The following CTNND2 variants were observed in gnomAD, a reference collection of about 807,000 sequenced individuals.
The protein encoded by CTNND2 is catenin delta 2.
A neutral mutation model predicts 144.4 loss-of-function variants in CTNND2; 22 were observed. That is an observed-to-expected ratio of 0.15 (90% confidence interval 0.11 to 0.22). The LOEUF (loss-of-function observed/expected upper bound fraction) is 0.22, where lower values mean the gene tolerates loss of function less well. Among genes scored for constraint, CTNND2 ranks in the 10% least tolerant of loss-of-function variants. The pLI is 1.00. For synonymous variants in CTNND2, 751 were observed against 695.6 expected (o/e 1.08, Z -1.25); for missense variants, 1,353 against 1,618.8 (o/e 0.84, Z 2.82).
chr5:11,243,295 T>C (rs1227931634), intron 9 of CTNND2, among the ~76,000 whole-genome samples: 1 of 152,230 alleles, frequency 6.6e-6, no homozygotes, highest in African/African-American at 2.4e-5. Context: ...CTCTGCAGCC[T>C]TGGGCTTGGG....
chr5:11,568,434 C>T (rs934093585), intron 2 of CTNND2, among the ~76,000 whole-genome samples: 2 of 151,662 alleles, frequency 1.3e-5, no homozygotes, highest in Non-Finnish European at 2.9e-5. Context: ...ACTGTTTGGG[C>T]CTTGCCACAC....
In CTNND2 at chr5:11,425,615, CCTA is replaced by C. The variant is rs1762714664; in HGVS notation, c.288-13549_288-13547del. ...ATTTTAAAAGCCATGAATTGAAATT[CCTA>C]CTAACGTTCTTAAGCTATTTAGAGC... On this transcript the variant is annotated intron_variant, in intron 3 of 21. Transcript: ENST00000304623. Among the ~76,000 whole-genome samples, 3 of 152,226 alleles carry C rather than the reference CCTA, an allele frequency of 2.0e-5. No individual in the cohort carries two copies. The South Asian group carries it at 6.2e-4, about 32-fold the overall frequency.
At chr5:11,333,243 CT>C (rs1753358748) in intron 9 of CTNND2, among the ~76,000 whole-genome samples, 1 of 152,028 alleles carries the variant, frequency 6.6e-6, no homozygotes, top group East Asian at 1.9e-4. Context: ...AACCTTTTGA[CT>C]TTTTTCTTTT....
At chr5:11,476,276 G>T (rs114003306) in intron 3 of CTNND2, among the ~76,000 whole-genome samples, 4,741 of 152,116 alleles carry the variant, frequency 0.031, 271 homozygotes, top group African/African-American at 0.11. Flanking sequence ...AATTCCCACT[G>T]TACCATTCTG....
At chr5:11,348,457 GA>G (rs1755022218) in intron 8 of CTNND2, among the ~76,000 whole-genome samples, 1 of 107,292 alleles carries the variant, frequency 9.3e-6, no homozygotes, top group South Asian at 3.0e-4. Flanking sequence ...AAAAAAAAAA[GA>G]AAAAAGAAAA....
At chr5:11,361,170 G>A (rs2149765166) in intron 8 of CTNND2, among the ~76,000 whole-genome samples, 1 of 152,194 alleles carries the variant, frequency 6.6e-6, no homozygotes, top group African/African-American at 2.4e-5. Context: ...ACTGGCGCCT[G>A]CCACCATGCC....
chr5:11,866,259 T>C (rs1414610146), intron 1 of CTNND2, among the ~76,000 whole-genome samples: 2 of 152,190 alleles, frequency 1.3e-5, no homozygotes, highest in African/African-American at 4.8e-5. Context: ...GCTATGATTT[T>C]GCCACTGCAC....
intron 2 of CTNND2, among the ~76,000 whole-genome samples, chr5:11,578,377 A>T (rs183819176): frequency 4.3e-4 from 65 of 152,294 alleles, no homozygotes; most frequent in African/African-American, 1.4e-3. Flanking sequence ...AGAGTAGTGA[A>T]CTGGGCCAGG....
intron 2 of CTNND2, among the ~76,000 whole-genome samples, chr5:11,722,652 G>A (rs1469071091): frequency 1.3e-5 from 2 of 152,196 alleles, no homozygotes; most frequent in African/African-American, 4.8e-5. Context: ...GTAGGAAGGA[G>A]AAGAATGACC....
intron 16 of CTNND2, among the ~76,000 whole-genome samples, chr5:11,057,476 G>A (rs6888916): frequency 0.042 from 6,362 of 152,226 alleles, 473 homozygotes; most frequent in African/African-American, 0.15. Flanking sequence ...TGCCATCCAC[G>A]TAAGATGTGA....
At chr5:11,397,315 T>G (rs1157467517) in intron 5 of CTNND2, 112 bp from the exon 6 acceptor site, 2 of 838,676 alleles carry the variant, frequency 2.4e-6, no homozygotes, top group African/African-American at 1.7e-5. Flanking sequence ...ATTCCAGCCA[T>G]CCATGCTTAA....
chr5:11,061,778 G>A (rs1019099491), intron 16 of CTNND2, among the ~76,000 whole-genome samples: 1 of 151,700 alleles, frequency 6.6e-6, no homozygotes, highest in South Asian at 2.1e-4. Context: ...GTGCAATCTC[G>A]GCTCACTGCA....
At chr5:11,162,153 G>C (rs894541603) in intron 11 of CTNND2, among the ~76,000 whole-genome samples, 1 of 151,972 alleles carries the variant, frequency 6.6e-6, no homozygotes, top group Non-Finnish European at 1.5e-5. Context: ...GTTCCATCTC[G>C]GGAAAGCAAG....
chr5:11,204,675 T>G (rs1007675368), intron 10 of CTNND2, among the ~76,000 whole-genome samples: 5 of 152,214 alleles, frequency 3.3e-5, no homozygotes, highest in Admixed American at 1.3e-4. Flanking sequence ...GAGTAATTTA[T>G]AGCATATTCA....
At chr5:11,507,289 A>T (rs1261394888) in intron 3 of CTNND2, among the ~76,000 whole-genome samples, 2 of 152,210 alleles carry the variant, frequency 1.3e-5, no homozygotes, top group African/African-American at 4.8e-5. Flanking sequence ...TTCTAGCTCT[A>T]TGTAGAGTAA....
rs1741683356 is a variant in CTNND2 at position 11,236,796 on chromosome 5, C to T, written c.1656G>A (p.Leu552=). The change falls in exon 10 of 22, where the codon CTG becomes CTA. Residue 552 remains leucine (L), a synonymous_variant. Coordinates refer to ENST00000304623, the MANE Select transcript of CTNND2 (RefSeq NM_001332.4). Reference sequence around the variant, plus strand: ...GCTGCAACATCTGAATCACTTCCGGCAGTTCCGGGTCTCTCCATCCAAATT... The same window carrying T: ...GCTGCAACATCTGAATCACTTCCGGTAGTTCCGGGTCTCTCCATCCAAATT... ...PREFGWRDPE[L]PEVIQMLQHQ... is the part of the protein sequence containing the mutation. 1.2e-6 allele frequency: 2 copies of T among 1,614,168 alleles called. No homozygotes were observed. The highest frequency in any genetic ancestry group is 1.7e-6 in the Non-Finnish European group (2 of 1,180,030).
intron 15 of CTNND2, among the ~76,000 whole-genome samples, chr5:11,087,933 C>A (rs1286374719): frequency 1.3e-5 from 2 of 152,140 alleles, no homozygotes; most frequent in African/African-American, 4.8e-5. Context: ...GAAGGTCAAG[C>A]TCAAGTAAAA....
intron 3 of CTNND2, among the ~76,000 whole-genome samples, chr5:11,550,818 T>C (rs1488642772): frequency 1.3e-5 from 2 of 152,184 alleles, no homozygotes; most frequent in African/African-American, 2.4e-5. Context: ...TTGTTGAAAA[T>C]GGAGAATGGT....
intron 3 of CTNND2, among the ~76,000 whole-genome samples, chr5:11,480,958 C>T (rs140312884): frequency 0.011 from 1,655 of 152,160 alleles, 11 homozygotes; most frequent in Non-Finnish European, 0.018. Flanking sequence ...GGGAAATGGG[C>T]TCCTATATAC....
Sources: allele counts gnomAD v4.1 joint callset (sites outside exome capture counted in the v4.1 genomes callset), GRCh38; gene constraint gnomAD v4.1.1; transcripts MANE v1.5; gene names NCBI Gene and HGNC (gene_info 2026-07-23, HGNC 2026-07-21).